Variants in CHSY3 observed in about 807,000 individuals in gnomAD.
CHSY3 encodes the protein N-acetylgalactosaminyl-proteoglycan 3-beta-glucuronosyltransferase 3.
A neutral mutation model predicts 67.2 loss-of-function variants in CHSY3; 35 were observed. The ratio of observed to expected loss-of-function variants is 0.52; its 90% CI spans 0.40 to 0.69. The LOEUF is 0.69. CHSY3 is among the 30% of genes least tolerant of loss of function. CHSY3 has a pLI of 0.00. For synonymous variants in CHSY3, 474 were observed against 434.7 expected (o/e 1.09, Z -1.12); for missense variants, 1,069 against 1,138.5 (o/e 0.94, Z 0.88).
At chr5:130,126,107 G>C (rs1258628940) in intron 2 of CHSY3, among the ~76,000 whole-genome samples, 2 of 151,860 alleles carry the variant, frequency 1.3e-5, no homozygotes, top group Admixed American at 6.6e-5. Context: ...ATCACATTTT[G>C]AGGTTGCATG....
chr5:129,944,606 T>A (rs530829749), intron 2 of CHSY3, among the ~76,000 whole-genome samples: 57 of 152,296 alleles, frequency 3.7e-4, no homozygotes, highest in African/African-American at 1.3e-3. Context: ...GTGCTGGGAT[T>A]ACAGGTGTGA....
chr5:129,924,906 G>A (rs1209565741), intron 2 of CHSY3, among the ~76,000 whole-genome samples: 1 of 152,060 alleles, frequency 6.6e-6, no homozygotes. Flanking sequence ...CTCAAATAAT[G>A]ATTATCCCTC....
chr5:129,980,921 G>C (rs1762961787), intron 2 of CHSY3, among the ~76,000 whole-genome samples: 2 of 151,942 alleles, frequency 1.3e-5, no homozygotes, highest in East Asian at 3.9e-4. Context: ...CTTAGTCAAA[G>C]ATCGGCCGGG....
chr5:130,123,766 A>G (rs1395528313), intron 2 of CHSY3, among the ~76,000 whole-genome samples: 1 of 152,126 alleles, frequency 6.6e-6, no homozygotes, highest in Admixed American at 6.6e-5. Context: ...ATAAAGAAGT[A>G]AACAGTTCTG....
intron 2 of CHSY3, among the ~76,000 whole-genome samples, chr5:130,169,512 A>AT (rs1769840825): frequency 6.6e-6 from 1 of 152,086 alleles, no homozygotes; most frequent in Non-Finnish European, 1.5e-5. Flanking sequence ...TGACACTCAC[A>AT]GAAGTATATG....
chr5:129,907,371 A>G (rs551251410), intron 1 of CHSY3, among the ~76,000 whole-genome samples: 165 of 152,300 alleles, frequency 1.1e-3, no homozygotes, highest in Middle Eastern at 6.8e-3. Flanking sequence ...GGTAGTAAAG[A>G]TGCTGACTGG....
chr5:130,012,797 C>T (rs917273520), intron 2 of CHSY3, among the ~76,000 whole-genome samples: 2 of 152,010 alleles, frequency 1.3e-5, no homozygotes, highest in Middle Eastern at 3.4e-3. Context: ...TGCTCCTGGC[C>T]CCTCACAAAT....
Position 130,123,777 on chromosome 5 carries a change from G to T in CHSY3, c.1087-60452G>T, listed in dbSNP as rs188597628. Among the ~76,000 whole-genome samples, 65 of 152,156 alleles carry T rather than the reference G, an allele frequency of 4.3e-4. No individual in the cohort carries two copies. The East Asian group carries it at 0.012, about 27-fold the overall frequency. Reference sequence around the variant, plus strand: ...AAATATAAAGAAGTAAACAGTTCTGGCCAGGCGTAGTGGCTCACCCCTATA... The same window carrying T: ...AAATATAAAGAAGTAAACAGTTCTGTCCAGGCGTAGTGGCTCACCCCTATA... On this transcript the variant is annotated intron_variant, in intron 2 of 2. Coordinates refer to ENST00000305031, the MANE Select transcript of CHSY3 (RefSeq NM_175856.5).
At chr5:130,125,452 T>TAGATAGATAGAC (rs1200470666) in intron 2 of CHSY3, among the ~76,000 whole-genome samples, 3 of 151,798 alleles carry the variant, frequency 2.0e-5, no homozygotes, top group African/African-American at 7.3e-5. Context: ...GATAGATAGA[T>TAGATAGATAGAC]AGACAGACAG....
chr5:130,026,104 A>C (rs1193916448), intron 2 of CHSY3, among the ~76,000 whole-genome samples: 1 of 152,254 alleles, frequency 6.6e-6, no homozygotes, highest in East Asian at 1.9e-4. Context: ...TCACAAGACC[A>C]TGTTACCAAG....
At chr5:130,032,204 C>T (rs1005194964) in intron 2 of CHSY3, among the ~76,000 whole-genome samples, 1 of 152,056 alleles carries the variant, frequency 6.6e-6, no homozygotes, top group African/African-American at 2.4e-5. Flanking sequence ...TCTGTTATGG[C>T]AGCCTTTATG....
intron 2 of CHSY3, among the ~76,000 whole-genome samples, chr5:129,920,374 T>TC (rs1236218640): frequency 6.6e-6 from 1 of 152,154 alleles, no homozygotes; most frequent in Non-Finnish European, 1.5e-5. Context: ...GCCTCCTGAG[T>TC]AGCTAAGATT....
chr5:130,092,469 T>C (rs908981356), intron 2 of CHSY3, among the ~76,000 whole-genome samples: 3 of 152,116 alleles, frequency 2.0e-5, no homozygotes, highest in African/African-American at 7.2e-5. Flanking sequence ...GAGCTTTGTT[T>C]ACTGTATAGA....
chr5:130,001,783 G>A, intron 2 of CHSY3: 2 of 828,216 alleles, frequency 2.4e-6, no homozygotes, highest in Non-Finnish European at 2.9e-6. Flanking sequence ...CTCGCTGATA[G>A]TTTCCTGTAT....
intron 2 of CHSY3, among the ~76,000 whole-genome samples, chr5:130,074,125 CA>C (rs1208216370): frequency 1.3e-5 from 2 of 152,044 alleles, no homozygotes; most frequent in East Asian, 1.9e-4. Context: ...GGCTGGAGTG[CA>C]GTAGCACGAA....
intron 2 of CHSY3, among the ~76,000 whole-genome samples, chr5:129,924,901 A>G (rs971851801): frequency 1.3e-5 from 2 of 152,206 alleles, no homozygotes; most frequent in African/African-American, 4.8e-5. Context: ...AATTCCTCAA[A>G]TAATGATTAT....
At chr5:130,153,766 C>T (rs1055567867) in intron 2 of CHSY3, among the ~76,000 whole-genome samples, 1 of 152,124 alleles carries the variant, frequency 6.6e-6, no homozygotes, top group African/African-American at 2.4e-5. Context: ...TGGTTCTTGG[C>T]AAGCTCTTAG....
chr5:130,118,230 C>T (rs1767882707), intron 2 of CHSY3, among the ~76,000 whole-genome samples: 1 of 152,126 alleles, frequency 6.6e-6, no homozygotes, highest in African/African-American at 2.4e-5. Context: ...TATTTCATTT[C>T]AGGGAGGTAA....
At chr5:130,097,664 A>T (rs1213739471) in intron 2 of CHSY3, among the ~76,000 whole-genome samples, 1 of 152,188 alleles carries the variant, frequency 6.6e-6, no homozygotes, top group East Asian at 1.9e-4. Context: ...TTTTAAGTAA[A>T]TGTTTTTATT....
Sources: allele counts gnomAD v4.1 joint callset (sites outside exome capture counted in the v4.1 genomes callset), GRCh38; gene constraint gnomAD v4.1.1; transcripts MANE v1.5; gene names NCBI Gene and HGNC (gene_info 2026-07-23, HGNC 2026-07-21).